The following RBFOX1 variants were observed in gnomAD, a reference collection of about 807,000 sequenced individuals.
RBFOX1 encodes RNA binding protein fox-1 homolog 1.
RBFOX1 carries 8 observed loss-of-function variants against 57.7 expected under a neutral mutation model. The ratio of observed to expected loss-of-function variants is 0.14; its 90% CI spans 0.08 to 0.25. The LOEUF (loss-of-function observed/expected upper bound fraction) is 0.25. RBFOX1 is among the 10% of genes least tolerant of loss of function. RBFOX1 has a pLI of 1.00. For missense variants in RBFOX1, 611 were observed against 548.5 expected (o/e 1.11, Z -1.14); for synonymous variants, 326 against 222.4 (o/e 1.47, Z -4.15).
At chr16:5,952,605 C>G (rs113201604) in intron 4 of RBFOX1, among the ~76,000 whole-genome samples, 1 of 152,092 alleles carries the variant, frequency 6.6e-6, no homozygotes, top group South Asian at 2.1e-4. Flanking sequence ...TATTTTTGTT[C>G]TTATGTTATT....
rs146092309 is a variant in RBFOX1 at position 6,174,275 on chromosome 16, G to A, written c.-126-142720G>A. 2.6e-5 allele frequency among the ~76,000 whole-genome samples: 4 copies of A among 152,310 alleles called. No individual in the cohort carries two copies. The East Asian group carries it at 7.7e-4, about 29-fold the overall frequency. ...CTCACTGTTGCGCTGTCATCAGAAA[G>A]CAAAGTGTGTGTCTCCTGTTGAGAA... On this transcript the variant is annotated intron_variant, in intron 1 of 15. Transcript: ENST00000550418.
intron 2 of RBFOX1, among the ~76,000 whole-genome samples, chr16:6,371,184 G>A (rs2090387126): frequency 6.6e-6 from 1 of 152,114 alleles, no homozygotes; most frequent in South Asian, 2.1e-4. Flanking sequence ...TAGTTTGGGG[G>A]TGGGAGGAAT....
intron 12 of RBFOX1, among the ~76,000 whole-genome samples, chr16:7,657,763 C>T (rs1027290894): frequency 2.0e-5 from 3 of 152,174 alleles, no homozygotes; most frequent in African/African-American, 7.2e-5. Context: ...ATGATCATTC[C>T]TCCAGGGGTA....
intron 4 of RBFOX1, among the ~76,000 whole-genome samples, chr16:7,152,069 T>C (rs1445062436): frequency 1.3e-5 from 2 of 152,168 alleles, no homozygotes; most frequent in East Asian, 1.9e-4. Context: ...TTGTTGACAG[T>C]CCCTGTATTG....
chr16:7,242,672 G>A (rs78697574), intron 4 of RBFOX1, among the ~76,000 whole-genome samples: 5,827 of 152,262 alleles, frequency 0.038, 129 homozygotes, highest in Middle Eastern at 0.061. Context: ...TCCGTGCTTC[G>A]TGATTTGCAT....
chr16:5,283,130 T>C (rs1184753563), intron 1 of RBFOX1, among the ~76,000 whole-genome samples: 1 of 152,164 alleles, frequency 6.6e-6, no homozygotes, highest in Admixed American at 6.5e-5. Context: ...AGCTTTCACA[T>C]AGTGTTGAGC....
At chr16:6,933,920 G>T (rs1028144853) in intron 3 of RBFOX1, among the ~76,000 whole-genome samples, 1 of 152,132 alleles carries the variant, frequency 6.6e-6, no homozygotes, top group Non-Finnish European at 1.5e-5. Context: ...CAGTGTTTGA[G>T]TGATTAAAAA....
At chr16:5,865,815 C>T (rs1158478947) in intron 3 of RBFOX1, among the ~76,000 whole-genome samples, 1 of 152,084 alleles carries the variant, frequency 6.6e-6, no homozygotes, top group Non-Finnish European at 1.5e-5. Context: ...TACCAGCAGA[C>T]TCGGTATGAG....
intron 3 of RBFOX1, among the ~76,000 whole-genome samples, chr16:7,029,051 T>TAA (rs2041870288): frequency 6.4e-5 from 1 of 15,560 alleles, no homozygotes; most frequent in Admixed American, 8.9e-4. Flanking sequence ...AAAAGCTATA[T>TAA]ATATATATAT....
chr16:6,248,366 G>T (rs1567769311), intron 1 of RBFOX1, among the ~76,000 whole-genome samples: 1 of 152,142 alleles, frequency 6.6e-6, no homozygotes, highest in Non-Finnish European at 1.5e-5. Context: ...TTCACAGCCT[G>T]TCTCCCGGTG....
At chr16:6,811,438 TA>T (rs1479962730) in intron 3 of RBFOX1, among the ~76,000 whole-genome samples, 3 of 152,226 alleles carry the variant, frequency 2.0e-5, no homozygotes, top group African/African-American at 7.2e-5. Context: ...TTATACAATA[TA>T]TTTTTTTCCT....
chr16:5,455,146 G>C (rs544764325), intron 1 of RBFOX1, among the ~76,000 whole-genome samples: 37 of 151,394 alleles, frequency 2.4e-4, no homozygotes, highest in African/African-American at 8.5e-4. Flanking sequence ...GCCACAATCA[G>C]AATGACTTGA....
At chr16:5,636,100 C>T (rs1465853124) in intron 3 of RBFOX1, among the ~76,000 whole-genome samples, 1 of 152,080 alleles carries the variant, frequency 6.6e-6, no homozygotes, top group East Asian at 1.9e-4. Context: ...GTAACCCCAG[C>T]ACTTTGGGAG....
rs562641903 is a variant in RBFOX1 at position 6,631,068 on chromosome 16, G to C, written c.-63-23535G>C. Among the ~76,000 whole-genome samples the C allele has an allele frequency of 2.2e-4, 34 of 152,270 alleles. No individual in the cohort carries two copies. The South Asian group carries it at 6.8e-3, about 31-fold the overall frequency. On this transcript the variant is annotated intron_variant, in intron 2 of 15. Coordinates refer to ENST00000550418, the MANE Select transcript of RBFOX1 (RefSeq NM_018723.4). ...GATGTTTAATATGAATGAAAGTAGA[G>C]AGAGAGGGCATTTGGAGGGGGGTTG...
chr16:5,348,050 C>G (rs1054681936), intron 1 of RBFOX1, among the ~76,000 whole-genome samples: 2 of 148,622 alleles, frequency 1.3e-5, no homozygotes, highest in African/African-American at 5.0e-5. Context: ...CATCCACCCA[C>G]CCTTCCACTC....
At chr16:6,650,417 C>T (rs1336708272) in intron 2 of RBFOX1, among the ~76,000 whole-genome samples, 1 of 152,144 alleles carries the variant, frequency 6.6e-6, no homozygotes, top group African/African-American at 2.4e-5. Context: ...AGGGAAAGCA[C>T]CTGATGAGGG....
chr16:6,232,072 C>T (rs17217621), intron 1 of RBFOX1, among the ~76,000 whole-genome samples: 58,935 of 151,978 alleles, frequency 0.39, 12,136 homozygotes, highest in Middle Eastern at 0.53. Context: ...CCTATTCCTC[C>T]GTGAGCTTTG....
intron 5 of RBFOX1, among the ~76,000 whole-genome samples, chr16:7,570,423 C>G (rs773840703): frequency 2.6e-5 from 4 of 152,178 alleles, no homozygotes; most frequent in African/African-American, 9.7e-5. Flanking sequence ...ATTCTGATTT[C>G]TACTGACAAC....
chr16:5,794,717 A>C (rs1450581164), intron 3 of RBFOX1, among the ~76,000 whole-genome samples: 1 of 152,206 alleles, frequency 6.6e-6, no homozygotes, highest in African/African-American at 2.4e-5. Context: ...TAAGAAACTT[A>C]CAAATAAAGC....
Sources: allele counts gnomAD v4.1 joint callset (sites outside exome capture counted in the v4.1 genomes callset), GRCh38; gene constraint gnomAD v4.1.1; transcripts MANE v1.5; gene names NCBI Gene and HGNC (gene_info 2026-07-23, HGNC 2026-07-21).